Variants in KCNK2 observed in about 807,000 individuals in gnomAD.
The protein encoded by KCNK2 is potassium channel subfamily K member 2.
In KCNK2, 21 loss-of-function variants were observed where a neutral mutation model predicts 40.5. The observed-to-expected ratio is 0.52, with a 90% confidence interval of 0.37 to 0.75. The LOEUF (loss-of-function observed/expected upper bound fraction) is 0.75. Among genes scored for constraint, KCNK2 ranks in the 30% least tolerant of loss-of-function variants. The pLI, the probability that KCNK2 is intolerant of heterozygous loss-of-function variation, is 0.00. For missense variants in KCNK2, 399 were observed against 531.6 expected, an observed-to-expected ratio of 0.75 and a Z score of 2.45; for synonymous variants, 191 against 202.2, an observed-to-expected ratio of 0.94 and a Z score of 0.47.
chr1:215,165,172 C>A (rs1442282622), intron 3 of KCNK2, among the ~76,000 whole-genome samples: 1 of 152,134 alleles, frequency 6.6e-6, no homozygotes, highest in Non-Finnish European at 1.5e-5. Flanking sequence ...GCTTGCTTTC[C>A]ATAGCTTGCA....
intron 1 of KCNK2, among the ~76,000 whole-genome samples, chr1:215,058,873 T>C (rs1448140769): frequency 6.6e-6 from 1 of 152,122 alleles, no homozygotes; most frequent in East Asian, 1.9e-4. Flanking sequence ...CTCCTTCTTG[T>C]CATCCTGATT....
At chr1:215,031,418 T>C (rs1338008157) in intron 1 of KCNK2, among the ~76,000 whole-genome samples, 1 of 152,194 alleles carries the variant, frequency 6.6e-6, no homozygotes, top group Non-Finnish European at 1.5e-5. Context: ...TGCCATTTTC[T>C]TCCTAGAGAT....
chr1:215,130,349 T>A (rs143726869), intron 3 of KCNK2, among the ~76,000 whole-genome samples: 120 of 152,294 alleles, frequency 7.9e-4, no homozygotes, highest in African/African-American at 2.6e-3. Context: ...CTTCTACGCA[T>A]ACCCAAATGC....
At chr1:215,007,035 A>ATGTGTGTG (rs1184078114) in intron 1 of KCNK2, among the ~76,000 whole-genome samples, 5 of 56,634 alleles carry the variant, frequency 8.8e-5, no homozygotes, top group East Asian at 5.8e-4. Flanking sequence ...ATATATATAT[A>ATGTGTGTG]TATGTGTGTG....
At chr1:215,059,521 T>C (rs2102506431) in intron 1 of KCNK2, among the ~76,000 whole-genome samples, 1 of 152,312 alleles carries the variant, frequency 6.6e-6, no homozygotes, top group Admixed American at 6.5e-5. Context: ...ATAAGATATT[T>C]TCTACTTTCA....
At chr1:215,199,733 T>C (rs923572230) in intron 6 of KCNK2, among the ~76,000 whole-genome samples, 2 of 152,130 alleles carry the variant, frequency 1.3e-5, no homozygotes, top group African/African-American at 4.8e-5. Flanking sequence ...ATTTAGATAT[T>C]CTGGATAATA....
intron 2 of KCNK2, among the ~76,000 whole-genome samples, chr1:215,118,261 T>C (rs1417756069): frequency 6.6e-6 from 1 of 152,144 alleles, no homozygotes; most frequent in Non-Finnish European, 1.5e-5. Context: ...ATGAGGATCC[T>C]GTAGCCTTTG....
intron 1 of KCNK2, among the ~76,000 whole-genome samples, chr1:215,023,526 T>C (rs1412055456): frequency 6.6e-6 from 1 of 152,212 alleles, no homozygotes; most frequent in Admixed American, 6.5e-5. Context: ...TTACATTAAA[T>C]CACTGGACAA....
intron 6 of KCNK2, among the ~76,000 whole-genome samples, chr1:215,234,030 G>C (rs1424712451): frequency 6.6e-6 from 1 of 152,104 alleles, no homozygotes; most frequent in Non-Finnish European, 1.5e-5. Flanking sequence ...CATTAGCTCA[G>C]CCATCCTGTT....
At chr1:215,104,813 G>A (rs1373112695) in intron 2 of KCNK2, among the ~76,000 whole-genome samples, 1 of 151,976 alleles carries the variant, frequency 6.6e-6, no homozygotes, top group Non-Finnish European at 1.5e-5. Flanking sequence ...AATATTTATT[G>A]AGTTCCTACT....
chr1:215,099,319 C>T lies in KCNK2; in HGVS notation c.357+12641C>T, dbSNP rs372295221. ...TAAGAATAATGGCCTCTAACTTCAT[C>T]CATGTCCCTGAAAAGGACACGATCT... is the stretch of plus-strand genomic sequence containing the variant. On this transcript the variant is annotated intron_variant, in intron 2 of 6. Coordinates refer to ENST00000444842, the MANE Select transcript of KCNK2 (RefSeq NM_001017425.3). Among the ~76,000 whole-genome samples, 4 of 152,046 alleles carry T rather than the reference C, an allele frequency of 2.6e-5. No individual in the cohort carries two copies. The South Asian group carries it at 8.3e-4, about 31-fold the overall frequency.
intron 5 of KCNK2, among the ~76,000 whole-genome samples, chr1:215,177,722 G>GTATATATATA (rs1553270861): frequency 3.1e-4 from 36 of 116,248 alleles, no homozygotes; most frequent in Middle Eastern, 5.0e-3. Context: ...ATATATATGT[G>GTATATATATA]TATATATATA....
intron 2 of KCNK2, among the ~76,000 whole-genome samples, chr1:215,102,590 A>G (rs998674325): frequency 7.9e-5 from 12 of 152,066 alleles, no homozygotes; most frequent in African/African-American, 2.4e-4. Context: ...TGAAGTCTGC[A>G]GTAGTGTACA....
At chr1:215,031,056 C>G (rs1228763178) in intron 1 of KCNK2, among the ~76,000 whole-genome samples, 1 of 152,088 alleles carries the variant, frequency 6.6e-6, no homozygotes, top group Non-Finnish European at 1.5e-5. Context: ...TTGACCATAT[C>G]TATATGGGTC....
intron 2 of KCNK2, among the ~76,000 whole-genome samples, chr1:215,097,447 T>C (rs752869128): frequency 6.6e-6 from 1 of 151,748 alleles, no homozygotes; most frequent in African/African-American, 2.4e-5. Flanking sequence ...AAAAATTAAA[T>C]GGCTCTTCTG....
chr1:215,160,588 A>G (rs115265347), intron 3 of KCNK2, among the ~76,000 whole-genome samples: 7,445 of 152,188 alleles, frequency 0.049, 202 homozygotes, highest in Middle Eastern at 0.12. Flanking sequence ...ATCTTATTCA[A>G]CCTTTCAAAA....
chr1:215,073,622 G>A (rs1276179627), intron 1 of KCNK2, among the ~76,000 whole-genome samples: 5 of 152,098 alleles, frequency 3.3e-5, no homozygotes, highest in African/African-American at 7.2e-5. Context: ...ACTGGAATCC[G>A]GCCAGTGACT....
At chr1:215,074,028 T>A (rs963366415) in intron 1 of KCNK2, among the ~76,000 whole-genome samples, 2 of 152,142 alleles carry the variant, frequency 1.3e-5, no homozygotes, top group African/African-American at 4.8e-5. Flanking sequence ...GAAAATGGAC[T>A]GGAGATCGGT....
At chr1:215,129,609 C>A (rs141396094) in intron 3 of KCNK2, among the ~76,000 whole-genome samples, 11 of 152,028 alleles carry the variant, frequency 7.2e-5, no homozygotes, top group African/African-American at 2.4e-4. Flanking sequence ...TTAATGAAGG[C>A]AAAGGGCACA....
Sources: gnomAD v4.1 joint callset for allele counts (sites outside exome capture counted in the v4.1 genomes callset) on GRCh38, gnomAD v4.1.1 for gene constraint, MANE v1.5 for transcripts, NCBI Gene and HGNC (gene_info 2026-07-23, HGNC 2026-07-21) for gene names.